NAV2: variants seen among roughly 807,000 people sequenced by gnomAD.
The protein encoded by NAV2 is neuron navigator 2, also known as helicase, APC down-regulated 1.
Under a neutral mutation model 223.2 loss-of-function variants are expected in NAV2, and 54 were observed. The observed-to-expected ratio is 0.24, with a 90% CI of 0.19 to 0.30. NAV2 has a LOEUF of 0.30. NAV2 is among the 10% of genes least tolerant of loss of function. NAV2 has a pLI of 1.00. For synonymous variants in NAV2, 1,279 were observed against 1,239.3 expected, an observed-to-expected ratio of 1.03 and a Z score of -0.67; for missense variants, 2,806 against 3,147.5, an observed-to-expected ratio of 0.89 and a Z score of 2.60.
chr11:19,419,762 G>A (rs1264882350), intron 1 of NAV2, among the ~76,000 whole-genome samples: 1 of 152,174 alleles, frequency 6.6e-6, no homozygotes, highest in Non-Finnish European at 1.5e-5. Context: ...TCTGAGAAAT[G>A]GAGAAGAAGT....
At chr11:19,784,443 GA>G (rs1342618157) in intron 1 of NAV2, among the ~76,000 whole-genome samples, 2 of 137,106 alleles carry the variant, frequency 1.5e-5, no homozygotes, top group Non-Finnish European at 3.1e-5. Flanking sequence ...AAAGTGACAT[GA>G]ATATTGTATA....
chr11:19,457,591 A>T (rs1443519971), intron 1 of NAV2, among the ~76,000 whole-genome samples: 1 of 152,114 alleles, frequency 6.6e-6, no homozygotes, highest in South Asian at 2.1e-4. Flanking sequence ...AGCAGGAATG[A>T]CACCCTCTGA....
intron 11 of NAV2, among the ~76,000 whole-genome samples, chr11:19,993,818 T>C (rs1014117428): frequency 2.4e-4 from 37 of 152,202 alleles, no homozygotes; most frequent in African/African-American, 8.0e-4. Flanking sequence ...CAACAAAGTA[T>C]ATGGACCATG....
intron 1 of NAV2, among the ~76,000 whole-genome samples, chr11:19,828,986 G>A (rs1264953678): frequency 1.3e-5 from 2 of 152,212 alleles, no homozygotes; most frequent in Non-Finnish European, 2.9e-5. Context: ...GTGTGTGTAT[G>A]TGCACTTGTT....
intron 19 of NAV2, among the ~76,000 whole-genome samples, chr11:20,057,296 A>AACTTTGCCCCC (rs1217643551): frequency 6.6e-6 from 1 of 152,210 alleles, no homozygotes; most frequent in African/African-American, 2.4e-5. Context: ...GTTTTAAAGA[A>AACTTTGCCCCC]TGTATTTACA....
At chr11:19,581,980 A>G (rs969060198) in intron 1 of NAV2, among the ~76,000 whole-genome samples, 1 of 152,232 alleles carries the variant, frequency 6.6e-6, no homozygotes, top group Non-Finnish European at 1.5e-5. Context: ...CAGTCCCACC[A>G]ACAGTGTAAA....
intron 1 of NAV2, among the ~76,000 whole-genome samples, chr11:19,667,103 G>T (rs1310698330): frequency 1.3e-5 from 2 of 151,956 alleles, no homozygotes; most frequent in African/African-American, 4.8e-5. Flanking sequence ...CCCCCAGGAA[G>T]CTGCTAGCTG....
At chr11:19,772,816 C>T (rs2055825729) in intron 1 of NAV2, among the ~76,000 whole-genome samples, 1 of 152,194 alleles carries the variant, frequency 6.6e-6, no homozygotes, top group South Asian at 2.1e-4. Context: ...CGGCCCCCAC[C>T]GTGTCTGAGC....
intron 1 of NAV2, among the ~76,000 whole-genome samples, chr11:19,576,088 A>G (rs2045563333): frequency 6.6e-6 from 1 of 152,212 alleles, no homozygotes; most frequent in African/African-American, 2.4e-5. Flanking sequence ...AAAAGTGCTC[A>G]AATCCAGGCC....
intron 11 of NAV2, among the ~76,000 whole-genome samples, chr11:20,003,677 T>C (rs944078975): frequency 6.6e-5 from 10 of 152,118 alleles, no homozygotes; most frequent in African/African-American, 2.4e-4. Context: ...AACTGGACCC[T>C]ATTGGTGGGA....
At chr11:19,611,162 T>A (rs2046631179) in intron 1 of NAV2, among the ~76,000 whole-genome samples, 1 of 152,070 alleles carries the variant, frequency 6.6e-6, no homozygotes, top group Non-Finnish European at 1.5e-5. Flanking sequence ...ACCCATCAGA[T>A]CTCGTGAGAC....
chr11:19,677,922 A>G (rs1341998436), intron 1 of NAV2, among the ~76,000 whole-genome samples: 1 of 152,236 alleles, frequency 6.6e-6, no homozygotes. Context: ...AAAGTTTGCC[A>G]ACCCCTGGTC....
At chr11:19,944,494 CCTTTCCT>C (rs1265894231) in intron 8 of NAV2, among the ~76,000 whole-genome samples, 1 of 146,796 alleles carries the variant, frequency 6.8e-6, no homozygotes, top group Non-Finnish European at 1.5e-5. Context: ...TCCCCTTTCC[CCTTTCCT>C]CTTTCCCCTT....
chr11:19,634,318 C>T (rs559112907), intron 1 of NAV2, among the ~76,000 whole-genome samples: 1 of 152,122 alleles, frequency 6.6e-6, no homozygotes, highest in Non-Finnish European at 1.5e-5. Context: ...AAGGAAACAA[C>T]AGACCCTGGG....
intron 5 of NAV2, among the ~76,000 whole-genome samples, chr11:19,881,685 G>T (rs1395384980): frequency 5.9e-5 from 9 of 152,168 alleles, no homozygotes; most frequent in Admixed American, 2.6e-4. Context: ...TGAGATTGCC[G>T]AGGTGCCTGC....
intron 1 of NAV2, among the ~76,000 whole-genome samples, chr11:19,687,880 G>T (rs2049067615): frequency 6.6e-6 from 1 of 152,192 alleles, no homozygotes; most frequent in African/African-American, 2.4e-5. Context: ...AACCTCTTGA[G>T]TTAGGACAGG....
chr11:19,860,451 C>T (rs1241039909), intron 3 of NAV2, among the ~76,000 whole-genome samples: 1 of 151,580 alleles, frequency 6.6e-6, no homozygotes, highest in Non-Finnish European at 1.5e-5. Context: ...GGCAGAGACG[C>T]TCCTCACTTC....
intron 1 of NAV2, among the ~76,000 whole-genome samples, chr11:19,714,797 C>T (rs1420556415): frequency 1.3e-5 from 2 of 152,202 alleles, no homozygotes; most frequent in Non-Finnish European, 1.5e-5. Context: ...CGTGCAATCT[C>T]TTTTACAGAA....
In NAV2 at chr11:20,045,634, C is replaced by G. The variant is rs150965022; in HGVS notation, c.3866C>G (p.Ala1289Gly). The part of the protein sequence containing the change: ...SPAQTSLQPG[A>G]KYPDVASPTL... ...GCTCAGACCAGTCTCCAGCCTGGAG[C>G]CAAGTACCCAGATGTGGCCTCTCCC... The change falls in exon 14 of 38, where the codon GCC (alanine) becomes GGC (glycine). Residue 1289 changes from alanine to glycine, a missense_variant. This residue lies in a region of NAV2 where 742 missense variants were observed against 777.9 expected (regional missense o/e 0.95). Coordinates refer to ENST00000349880, the MANE Select transcript of NAV2 (RefSeq NM_145117.5). 1.2e-4 allele frequency: 192 copies of G among 1,614,010 alleles called. 1 individual carries two copies. The Middle Eastern group carries it at 2.3e-3, about 19-fold the overall frequency.
Sources: gnomAD v4.1 joint callset for allele counts (sites outside exome capture counted in the v4.1 genomes callset) on GRCh38, gnomAD v4.1.1 for gene constraint, gnomAD v4.1.1 regional missense constraint, MANE v1.5 for transcripts, NCBI Gene and HGNC (gene_info 2026-07-23, HGNC 2026-07-21) for gene names.